The following DACH1 variants were observed in gnomAD, a reference collection of about 807,000 sequenced individuals.
The protein encoded by DACH1 is dachshund family transcription factor 1.
A neutral mutation model predicts 54.2 loss-of-function variants in DACH1; 12 were observed. That is an observed-to-expected ratio of 0.22 (90% CI 0.14 to 0.36). The LOEUF (loss-of-function observed/expected upper bound fraction) is 0.36, where lower values mean the gene tolerates loss of function less well. Ranked by LOEUF, DACH1 falls within the 10% of genes least tolerant of loss-of-function variation. The probability of loss-of-function intolerance (pLI) is 1.00; values close to 1 mark genes in which losing one functional copy is unlikely to be tolerated. For missense variants in DACH1, 805 were observed against 929.8 expected, an observed-to-expected ratio of 0.87 and a Z score of 1.75; for synonymous variants, 386 against 366.2, an observed-to-expected ratio of 1.05 and a Z score of -0.62.
intron 6 of DACH1, among the ~76,000 whole-genome samples, chr13:71,535,495 T>C (rs1002353483): frequency 2.6e-5 from 4 of 151,964 alleles, no homozygotes; most frequent in African/African-American, 7.2e-5. Context: ...GCAAATCTCA[T>C]ATAAAAATAA....
intron 2 of DACH1, among the ~76,000 whole-genome samples, chr13:71,656,492 A>T (rs981649568): frequency 6.6e-6 from 1 of 152,072 alleles, no homozygotes; most frequent in Non-Finnish European, 1.5e-5. Flanking sequence ...GTCTAAGTCT[A>T]GGCTAAATTT....
At chr13:71,695,027 GA>G (rs889488372) in intron 1 of DACH1, among the ~76,000 whole-genome samples, 5 of 151,648 alleles carry the variant, frequency 3.3e-5, no homozygotes, top group East Asian at 1.9e-4. Context: ...ATTTCAAATT[GA>G]AAAAAAATAG....
chr13:71,479,522 T>C (rs1877857708), intron 7 of DACH1, among the ~76,000 whole-genome samples: 1 of 152,188 alleles, frequency 6.6e-6, no homozygotes. Context: ...CAAATATTTA[T>C]GGCATGCAGG....
At chr13:71,755,225 T>C (rs1885094766) in intron 1 of DACH1, among the ~76,000 whole-genome samples, 1 of 152,178 alleles carries the variant, frequency 6.6e-6, no homozygotes, top group Non-Finnish European at 1.5e-5. Context: ...AATCTGTTTA[T>C]GAGAATTTTA....
intron 6 of DACH1, among the ~76,000 whole-genome samples, chr13:71,505,457 T>G (rs1474973834): frequency 6.6e-6 from 1 of 152,210 alleles, no homozygotes. Flanking sequence ...CATATAAGTC[T>G]ACTGTTGAAG....
chr13:71,836,889 G>A (rs1203044022), intron 1 of DACH1, among the ~76,000 whole-genome samples: 2 of 151,968 alleles, frequency 1.3e-5, no homozygotes, highest in Non-Finnish European at 1.5e-5. Context: ...TAGAATTGAA[G>A]CCCTATGAGG....
At chr13:71,818,025 C>G (rs1254800191) in intron 1 of DACH1, among the ~76,000 whole-genome samples, 1 of 151,924 alleles carries the variant, frequency 6.6e-6, no homozygotes, top group Admixed American at 6.6e-5. Context: ...GCTGGCCAGA[C>G]TGGTCTCAAA....
intron 1 of DACH1, among the ~76,000 whole-genome samples, chr13:71,773,718 G>T (rs1885951367): frequency 6.6e-6 from 1 of 151,920 alleles, no homozygotes; most frequent in African/African-American, 2.4e-5. Context: ...CTCTTTCCAG[G>T]TTCAAAGTCT....
At chr13:71,822,414 C>G (rs1002941289) in intron 1 of DACH1, among the ~76,000 whole-genome samples, 3 of 152,048 alleles carry the variant, frequency 2.0e-5, no homozygotes, top group Admixed American at 2.0e-4. Context: ...TTAAATTAAG[C>G]AAAAGTGCAA....
intron 10 of DACH1, among the ~76,000 whole-genome samples, chr13:71,450,732 G>A (rs889825533): frequency 6.6e-6 from 1 of 152,092 alleles, no homozygotes; most frequent in African/African-American, 2.4e-5. Context: ...TACTCTAGTG[G>A]ACGCACAAAT....
At chr13:71,543,082 T>C (rs1401122898) in intron 6 of DACH1, among the ~76,000 whole-genome samples, 1 of 152,174 alleles carries the variant, frequency 6.6e-6, no homozygotes, top group Non-Finnish European at 1.5e-5. Context: ...CTCTCTCCTT[T>C]CACCCACTGC....
In DACH1 at chr13:71,573,175, T is replaced by C. The variant is rs142958196; in HGVS notation, c.1127-163A>G. The stretch of plus-strand genomic sequence containing the variant: ...CTCAGGGAAACCAGGCTTACAGCTA[T>C]CTGGTTTGGTGCCCTGGTTTATCAT... On this transcript the variant is annotated intron_variant, in intron 3 of 10. Transcript: ENST00000613252. 4.1e-3 allele frequency among the ~76,000 whole-genome samples: 627 copies of C among 152,316 alleles called. 4 individuals are homozygous for C. The highest frequency in any genetic ancestry group is 7.0e-3 in the Non-Finnish European group (476 of 68,032).
At chr13:71,446,736 C>T (rs1217623389) in intron 10 of DACH1, among the ~76,000 whole-genome samples, 1 of 152,200 alleles carries the variant, frequency 6.6e-6, no homozygotes, top group Non-Finnish European at 1.5e-5. Context: ...TGTCTCGCTG[C>T]CTTGTGGATC....
At chr13:71,827,734 C>T (rs936215938) in intron 1 of DACH1, among the ~76,000 whole-genome samples, 1 of 151,986 alleles carries the variant, frequency 6.6e-6, no homozygotes, top group African/African-American at 2.4e-5. Flanking sequence ...TCAGACTGTG[C>T]ATGCCAGTTG....
At chr13:71,483,478 AAAT>A (rs1878231943) in intron 7 of DACH1, among the ~76,000 whole-genome samples, 1 of 146,984 alleles carries the variant, frequency 6.8e-6, no homozygotes, top group Admixed American at 6.8e-5. Flanking sequence ...ACCTTATAAT[AAAT>A]AATATATTAA....
At chr13:71,623,932 G>A (rs1876441839) in intron 3 of DACH1, among the ~76,000 whole-genome samples, 1 of 151,714 alleles carries the variant, frequency 6.6e-6, no homozygotes, top group African/African-American at 2.4e-5. Context: ...TATTAAATTA[G>A]CCATTTATCC....
At position 71,826,310 on chromosome 13, in the gene DACH1, TAAAAG is replaced by T. The variant is rs577493585; in HGVS notation, c.848+39607_848+39611del. On this transcript the variant is annotated intron_variant, in intron 1 of 10. Transcript: ENST00000613252. ...TTAAATCAGTTCAACAATAAACAAA[TAAAAG>T]AAACTTCCTTTGATCTAAGTCTTTC... 2.0e-5 allele frequency among the ~76,000 whole-genome samples: 3 copies of T among 152,106 alleles called. No homozygotes were observed. In the South Asian group the frequency reaches 6.2e-4, roughly 31 times the overall value.
intron 10 of DACH1, among the ~76,000 whole-genome samples, chr13:71,447,032 A>G (rs540225106): frequency 3.9e-5 from 6 of 152,318 alleles, no homozygotes; most frequent in Admixed American, 6.5e-5. Context: ...AATAGTTTCA[A>G]AGTTCATTGT....
At chr13:71,850,589 T>C (rs1252481298) in intron 1 of DACH1, among the ~76,000 whole-genome samples, 1 of 152,188 alleles carries the variant, frequency 6.6e-6, no homozygotes, top group Non-Finnish European at 1.5e-5. Context: ...ATTTCACTAT[T>C]AAAAGTTTAA....
Sources: gnomAD v4.1 joint callset for allele counts (sites outside exome capture counted in the v4.1 genomes callset) on GRCh38, gnomAD v4.1.1 for gene constraint, MANE v1.5 for transcripts, NCBI Gene and HGNC (gene_info 2026-07-23, HGNC 2026-07-21) for gene names.